The following LRRC4C variants were observed in gnomAD, a reference collection of about 807,000 sequenced individuals.
LRRC4C encodes the protein leucine-rich repeat-containing protein 4C.
Under a neutral mutation model 33.6 loss-of-function variants are expected in LRRC4C, and 5 were observed. The observed-to-expected ratio is 0.15, with a 90% confidence interval of 0.08 to 0.31. LRRC4C has a LOEUF of 0.31. LRRC4C is among the 10% of genes least tolerant of loss of function. The probability of loss-of-function intolerance (pLI) is 1.00; values close to 1 mark genes in which losing one functional copy is unlikely to be tolerated. For missense variants in LRRC4C, 560 were observed against 796.7 expected (o/e 0.70, Z 3.58); for synonymous variants, 329 against 302.0 (o/e 1.09, Z -0.93).
chr11:40,141,074 A>G (rs1857331861), intron 5 of LRRC4C, among the ~76,000 whole-genome samples: 2 of 152,128 alleles, frequency 1.3e-5, no homozygotes, highest in African/African-American at 4.8e-5. Flanking sequence ...GCCAATAAAA[A>G]TGCATTTGGA....
intron 3 of LRRC4C, among the ~76,000 whole-genome samples, chr11:40,534,585 G>A (rs1956398409): frequency 6.6e-6 from 1 of 152,146 alleles, no homozygotes; most frequent in Non-Finnish European, 1.5e-5. Flanking sequence ...GATGGCCCAT[G>A]CCTGCCACAT....
intron 1 of LRRC4C, among the ~76,000 whole-genome samples, chr11:41,310,721 C>G (rs1950621385): frequency 6.6e-6 from 1 of 151,878 alleles, no homozygotes; most frequent in African/African-American, 2.4e-5. Flanking sequence ...TCTAAAAAAC[C>G]AGAATAAAAA....
chr11:40,575,039 C>A (rs1958132740), intron 3 of LRRC4C, among the ~76,000 whole-genome samples: 1 of 152,166 alleles, frequency 6.6e-6, no homozygotes, highest in Non-Finnish European at 1.5e-5. Context: ...AAAGGAGAGC[C>A]TCAGCAGGTT....
intron 3 of LRRC4C, among the ~76,000 whole-genome samples, chr11:40,633,041 C>T (rs967971067): frequency 6.6e-6 from 1 of 152,026 alleles, no homozygotes; most frequent in Admixed American, 6.6e-5. Flanking sequence ...ATTTTATGTC[C>T]TTTTTCCTCT....
chr11:41,423,056 G>A (rs918221123), intron 1 of LRRC4C, among the ~76,000 whole-genome samples: 6 of 152,008 alleles, frequency 3.9e-5, no homozygotes, highest in East Asian at 1.9e-4. Flanking sequence ...ACAACATGTC[G>A]GTTAATAGGT....
intron 5 of LRRC4C, among the ~76,000 whole-genome samples, chr11:40,228,632 G>A (rs894847937): frequency 2.0e-5 from 3 of 152,146 alleles, no homozygotes; most frequent in Non-Finnish European, 4.4e-5. Flanking sequence ...TGAATTATAA[G>A]CATCCACTAA....
chr11:41,183,145 G>A (rs556612089), intron 1 of LRRC4C, among the ~76,000 whole-genome samples: 1 of 152,038 alleles, frequency 6.6e-6, no homozygotes, highest in Admixed American at 6.6e-5. Context: ...GATTTGGCTG[G>A]GGACACAGCC....
intron 3 of LRRC4C, among the ~76,000 whole-genome samples, chr11:40,492,915 C>T: frequency 6.6e-6 from 1 of 152,060 alleles, no homozygotes; most frequent in South Asian, 2.1e-4. Context: ...CTTTCTGCTA[C>T]ATTGCTAGAA....
At chr11:40,780,053 CTT>C (rs1379793471) in intron 2 of LRRC4C, among the ~76,000 whole-genome samples, 3 of 152,098 alleles carry the variant, frequency 2.0e-5, no homozygotes, top group Non-Finnish European at 4.4e-5. Flanking sequence ...TAAAATAAGA[CTT>C]AAATAGTGTC....
At chr11:40,886,190 G>A (rs1955444849) in intron 2 of LRRC4C, among the ~76,000 whole-genome samples, 1 of 151,810 alleles carries the variant, frequency 6.6e-6, no homozygotes, top group African/African-American at 2.4e-5. Context: ...GTCAAATATT[G>A]ATTTTACTTG....
intron 5 of LRRC4C, among the ~76,000 whole-genome samples, chr11:40,199,158 C>T (rs895121550): frequency 2.6e-5 from 4 of 152,172 alleles, no homozygotes; most frequent in Admixed American, 6.5e-5. Flanking sequence ...GCAACCTCTG[C>T]CTTCTGGGTT....
chr11:41,416,028 A>G (rs998085146), intron 1 of LRRC4C, among the ~76,000 whole-genome samples: 14 of 151,894 alleles, frequency 9.2e-5, no homozygotes, highest in African/African-American at 3.1e-4. Context: ...GCTGATTCTG[A>G]TCATCTGGGG....
Position 40,114,312 on chromosome 11 carries a change from AT to A in LRRC4C, c.*57del. 1 of 1,493,388 alleles carries A rather than the reference AT, an allele frequency of 6.7e-7. No individual in the cohort carries two copies. 92.5% of individuals were successfully genotyped at this position (1,493,388 alleles called of 1,614,324 possible). On this transcript the variant is annotated 3_prime_UTR_variant, in exon 7 of 7. Transcript: ENST00000528697. ...TAGATTTAGCCCAGTCATTTGTGTC[AT>A]TTTTAATAAACTGTCTTTTTTTTTG...
chr11:40,198,232 C>G (rs533201367), intron 5 of LRRC4C, among the ~76,000 whole-genome samples: 2 of 152,296 alleles, frequency 1.3e-5, no homozygotes, highest in Middle Eastern at 3.4e-3. Flanking sequence ...TAGACAAATA[C>G]ATACAGACAC....
At chr11:40,279,608 C>T (rs1042141064) in intron 4 of LRRC4C, among the ~76,000 whole-genome samples, 6 of 152,140 alleles carry the variant, frequency 3.9e-5, no homozygotes, top group African/African-American at 1.4e-4. Flanking sequence ...TGAATTATTT[C>T]AATTCTAACT....
intron 4 of LRRC4C, among the ~76,000 whole-genome samples, chr11:40,314,279 G>T (rs1401638048): frequency 6.6e-6 from 1 of 151,794 alleles, no homozygotes; most frequent in Non-Finnish European, 1.5e-5. Context: ...CATACAAATG[G>T]CCAAAAATAC....
intron 2 of LRRC4C, among the ~76,000 whole-genome samples, chr11:40,672,777 C>T (rs1488648753): frequency 6.6e-6 from 1 of 152,144 alleles, no homozygotes; most frequent in Non-Finnish European, 1.5e-5. Flanking sequence ...AGAGGAATAA[C>T]ATCTCAGTCA....
chr11:40,544,848 T>C lies in LRRC4C; in HGVS notation c.-270+103294A>G, dbSNP rs113543056. ...TTTCCATTATTGTCCTTTATTTCTA[T>C]AAAGGGTTAATACATGGTCAGAATC... On this transcript the variant is annotated intron_variant, in intron 3 of 6. Transcript: ENST00000528697. Among the ~76,000 whole-genome samples the C allele has an allele frequency of 6.7e-3, 1,022 of 152,198 alleles. 17 individuals are homozygous for C. Among genetic ancestry groups the C allele is most frequent in the African/African-American group, 0.024 (980 of 41,548 alleles).
intron 2 of LRRC4C, among the ~76,000 whole-genome samples, chr11:40,671,077 T>C (rs1350236611): frequency 1.3e-5 from 2 of 152,208 alleles, no homozygotes; most frequent in African/African-American, 4.8e-5. Context: ...AGAACCATTT[T>C]TATGAGCACA....
Sources: allele counts gnomAD v4.1 joint callset (sites outside exome capture counted in the v4.1 genomes callset), GRCh38; gene constraint gnomAD v4.1.1; transcripts MANE v1.5; gene names NCBI Gene and HGNC (gene_info 2026-07-23, HGNC 2026-07-21).